Variants in DGKA observed in about 807,000 individuals in gnomAD.
DGKA encodes diacylglycerol kinase alpha.
In DGKA, 35 loss-of-function variants were observed where a neutral mutation model predicts 105.0. The observed-to-expected ratio is 0.33, with a 90% CI of 0.25 to 0.44. The LOEUF (loss-of-function observed/expected upper bound fraction) is 0.44. Among genes scored for constraint, DGKA ranks in the 20% least tolerant of loss-of-function variants. The probability of loss-of-function intolerance (pLI) is 1.00; values close to 1 mark genes in which losing one functional copy is unlikely to be tolerated. For missense variants in DGKA, 665 were observed against 915.0 expected (o/e 0.73, Z 3.53); for synonymous variants, 296 against 332.0 (o/e 0.89, Z 1.18).
At chr12:55,942,577 T>C (rs1305875872) in intron 17 of DGKA, 2 of 351,904 alleles carry the variant, frequency 5.7e-6, no homozygotes. Context: ...ATAAGGAAGG[T>C]TGTATAAGAG....
At chr12:55,927,571 G>A, upstream of DGKA, 4 of 975,510 alleles carry the variant, frequency 4.1e-6, no homozygotes, top group Non-Finnish European at 6.0e-6. Context: ...GCACTGGGGC[G>A]CACAAGTGTT....
intron 7 of DGKA, 82 bp downstream of exon 7, chr12:55,939,071 G>A: frequency 1.2e-6 from 2 of 1,608,500 alleles, no homozygotes; most frequent in Admixed American, 1.7e-5. Context: ...ATCTCTGACA[G>A]GCAACCTGGT....
In DGKA at chr12:55,952,537, T is replaced by G; in HGVS notation, c.1743+106T>G. On this transcript the variant is annotated intron_variant, in intron 20 of 23. Coordinates refer to ENST00000331886, the MANE Select transcript of DGKA (RefSeq NM_001345.5). The surrounding 1 kb of genome is among the most constrained non-coding windows in gnomAD (Gnocchi z 5.1). ...CTTCCCATATTCTTGAACCTATGCT[T>G]CTTTAACCTCCCAGCTCTCCTACCC... 2 of 1,278,606 alleles carry G rather than the reference T, an allele frequency of 1.6e-6. No homozygotes were observed. The highest frequency in any genetic ancestry group is 2.3e-6 in the Non-Finnish European group (2 of 884,590). The allele number at this position is 1,278,606 out of a possible 1,614,324, so 79.2% of individuals were successfully genotyped here.
intron 17 of DGKA, 23 bp downstream of exon 17, chr12:55,942,286 G>T (rs776868743): frequency 1.9e-6 from 3 of 1,611,394 alleles, no homozygotes; most frequent in Non-Finnish European, 1.7e-6. Context: ...AAATTGTTTT[G>T]CTGTAGGCTG....
intron 6 of DGKA, 174 bp downstream of exon 6, chr12:55,938,734 C>T: frequency 6.5e-7 from 1 of 1,538,898 alleles, no homozygotes; most frequent in Non-Finnish European, 8.8e-7. Flanking sequence ...AAAGAGAATG[C>T]TGGATACATG....
At chr12:55,928,223 C>G (rs1883236054), upstream of DGKA, 1 of 167,506 alleles carries the variant, frequency 6.0e-6, no homozygotes, top group African/African-American at 2.4e-5. Flanking sequence ...CTGCCCTCCT[C>G]CACCCTCATA....
Position 55,937,041 on chromosome 12 carries a change from T to C in DGKA, c.89T>C (p.Val30Ala). The C allele has an allele frequency of 6.2e-7, 1 of 1,614,162 alleles. No individual in the cohort carries two copies. Among genetic ancestry groups the C allele is most frequent in the Non-Finnish European group, 8.5e-7 (1 of 1,180,026 alleles). The change falls in exon 3 of 24, where the codon GTC becomes GCC. Residue 30 changes from valine (V) to alanine (A), a missense_variant. Physicochemically the swap from Val to Ala is moderately conservative, Grantham distance 64. Transcript: ENST00000331886. The part of the protein sequence containing the change: ...MEYSTKKVSD[V>A]LKLFEDGEMA... ...GACTCCACCAAAAAGGTCAGTGATG[T>C]CCTAAAGCTCTTCGAGGATGGCGAG...
Position 55,952,169 on chromosome 12 carries a change from A to C in DGKA, c.1652+70A>C. 6.3e-7 allele frequency: 1 copy of C among 1,597,574 alleles called. No homozygotes were observed. Among genetic ancestry groups the C allele is most frequent in the Non-Finnish European group, 8.6e-7 (1 of 1,165,324 alleles). On this transcript the variant is annotated intron_variant, in intron 19 of 23. Transcript: ENST00000331886. The surrounding 1 kb of genome is among the most constrained non-coding windows in gnomAD (Gnocchi z 5.1). ...GCCAGGTTTTGACCAAGTTTGACTC[A>C]GATTGCTCAGAAGAACAGTGGCACC... is the stretch of plus-strand genomic sequence containing the variant.
Position 55,932,319 on chromosome 12 carries a change from G to T in DGKA, c.-82+975G>T. The T allele has an allele frequency of 7.1e-6, 4 of 563,994 alleles. No individual in the cohort carries two copies. The highest frequency in any genetic ancestry group is 4.1e-5 in the South Asian group (2 of 49,070). The allele number at this position is 563,994 out of a possible 1,614,324, so 34.9% of individuals were successfully genotyped here. A position where few individuals can be genotyped will look rare whatever the true frequency, so the allele number is the denominator to read the frequency against. ...CGGGAGGGCTGGGCCCGAACCCGGT[G>T]GGTAACGTTTCCCAGACCTTCCCCT... On this transcript the variant is annotated intron_variant, in intron 1 of 23. Transcript: ENST00000331886. The surrounding 1 kb of genome is among the most constrained non-coding windows in gnomAD (Gnocchi z 4.3).
At position 55,941,047 on chromosome 12, in the gene DGKA, G is replaced by C. The variant is rs1045848237; in HGVS notation, c.1101+67G>C. ...TTTTCACTGGAGCCCTCATGGGTGG[G>C]AATGAAGTGGGAGAGCCTGGTGGGG... On this transcript the variant is annotated intron_variant, in intron 13 of 23. Coordinates refer to ENST00000331886, the MANE Select transcript of DGKA (RefSeq NM_001345.5). 7 of 1,535,434 alleles carry C rather than the reference G, an allele frequency of 4.6e-6. No individual in the cohort carries two copies. In the Admixed American group the frequency reaches 1.1e-4, roughly 24 times the overall value.
intron 17 of DGKA, among the ~76,000 whole-genome samples, chr12:55,951,198 T>C (rs761056027): frequency 6.6e-6 from 1 of 152,206 alleles, no homozygotes; most frequent in Non-Finnish European, 1.5e-5. Flanking sequence ...GGGCTCTCTA[T>C]TCTTTACTAT....
upstream of DGKA, chr12:55,931,053 C>G (rs1329606265): frequency 6.6e-6 from 1 of 152,154 alleles, no homozygotes; most frequent in Admixed American, 6.6e-5. Flanking sequence ...GTAAGAAGGA[C>G]GATTCCAGGA....
chr12:55,949,208 T>A (rs1887657043), intron 17 of DGKA, among the ~76,000 whole-genome samples: 1 of 152,134 alleles, frequency 6.6e-6, no homozygotes, highest in Non-Finnish European at 1.5e-5. Flanking sequence ...AGACATTTTT[T>A]TTTTTTTGAG....
chr12:55,933,144 T>A (rs1883985124), intron 1 of DGKA, among the ~76,000 whole-genome samples: 1 of 152,206 alleles, frequency 6.6e-6, no homozygotes, highest in Non-Finnish European at 1.5e-5. Context: ...CAGAGAGCCA[T>A]GAGCTCTAAG....
rs762348707 is a variant in DGKA at position 55,938,574 on chromosome 12, C to T, written c.399+14C>T. On this transcript the variant is annotated intron_variant, in intron 6 of 23. Coordinates refer to ENST00000331886, the MANE Select transcript of DGKA (RefSeq NM_001345.5). ...CTGGACAGCTCAGTGAGTTGGGGAC[C>T]CTGTATGCTGGGCAAGGGAATATGT... The T allele has an allele frequency of 4.6e-5, 74 of 1,614,002 alleles. No individual in the cohort carries two copies. The South Asian group carries it at 8.1e-4, about 18-fold the overall frequency.
rs145119508 is a variant in DGKA at position 55,942,107 on chromosome 12, G to C, written c.1336+24G>C. On this transcript the variant is annotated intron_variant, in intron 16 of 23. Transcript: ENST00000331886. Reference sequence around the variant, plus strand: ...TGGTCAGTGCAGGGAGGGGCGTGGGGAAGGTATTGGGGTCGTAGTCTTGCA... The same window carrying C: ...TGGTCAGTGCAGGGAGGGGCGTGGGCAAGGTATTGGGGTCGTAGTCTTGCA... The C allele has an allele frequency of 9.9e-5, 160 of 1,614,024 alleles. 2 individuals are homozygous for C. The East Asian group carries it at 3.5e-3, about 36-fold the overall frequency.
chr12:55,947,829 T>C (rs1448351208), intron 17 of DGKA, among the ~76,000 whole-genome samples: 1 of 152,162 alleles, frequency 6.6e-6, no homozygotes, highest in Non-Finnish European at 1.5e-5. Context: ...CCACTCCTGT[T>C]ACCCAGGCTG....
At chr12:55,928,965 T>C (rs376819763), upstream of DGKA, among the ~76,000 whole-genome samples, 54 of 151,814 alleles carry the variant, frequency 3.6e-4, 1 homozygote, top group East Asian at 1.0e-2. Flanking sequence ...AGACCAGCCA[T>C]GGCCAACATG....
chr12:55,952,331 G>A lies in DGKA; in HGVS notation c.1653-10G>A. The A allele has an allele frequency of 6.2e-7, 1 of 1,613,914 alleles. No homozygotes were observed. Among genetic ancestry groups the A allele is most frequent in the Non-Finnish European group, 8.5e-7 (1 of 1,179,818 alleles). On this transcript the variant is annotated splice_polypyrimidine_tract_variant and intron_variant, in intron 19 of 23. Transcript: ENST00000331886. This position sits in a 1 kb window ranked among gnomAD's most constrained non-coding sequence, Gnocchi z 5.1. ...CCTCCCTACTGGGCCTTGTGTTGGG[G>A]CTGACACAGAATGAAGAACAAGCTA...
Sources: gnomAD v4.1 joint callset for allele counts (sites outside exome capture counted in the v4.1 genomes callset) on GRCh38, gnomAD v4.1.1 for gene constraint, Gnocchi (gnomAD v3.1) non-coding constraint, MANE v1.5 for transcripts, NCBI Gene and HGNC (gene_info 2026-07-23, HGNC 2026-07-21) for gene names.